Variants in APOB observed in about 807,000 individuals in gnomAD.
APOB encodes the protein apolipoprotein B-100.
A neutral mutation model predicts 314.1 loss-of-function variants in APOB; 153 were observed. That is an observed-to-expected ratio of 0.49 (90% CI 0.43 to 0.56). The LOEUF is 0.56. Among genes scored for constraint, APOB ranks in the 20% least tolerant of loss-of-function variants. The pLI, the probability that APOB is intolerant of heterozygous loss-of-function variation, is 0.00. For synonymous variants in APOB, 2,087 were observed against 2,036.4 expected (o/e 1.02, Z -0.67); for missense variants, 5,430 against 5,350.7 (o/e 1.01, Z -0.46).
intron 25 of APOB, among the ~76,000 whole-genome samples, 161 bp from the exon 26 acceptor site, chr2:21,012,812 C>T (rs1663363306): frequency 6.6e-6 from 1 of 152,198 alleles, no homozygotes; most frequent in Admixed American, 6.5e-5. Flanking sequence ...TAGCAAAAGG[C>T]ATTCCTCCAG....
chr2:21,006,802 G>A lies in APOB; in HGVS notation c.10066C>T (p.Leu3356Phe). Residue 3356 changes from leucine to phenylalanine, a missense_variant, in exon 26 of 29, where the codon CTT (leucine) becomes TTT (phenylalanine). Around this residue, in one of 3 missense-constraint regions of APOB, gnomAD observed 3,281 missense variants for 3,171.0 expected, o/e 1.03. Coordinates refer to ENST00000233242, the MANE Select transcript of APOB (RefSeq NM_000384.3). ...GCAACAATATCTGACTGGTTAAAAA[G>A]TTCAGCATTGGTATTCAGTGTGATG... ...SVITLNTNAE[L>F]FNQSDIVAHL... 6.2e-7 allele frequency: 1 copy of A among 1,614,066 alleles called. No individual in the cohort carries two copies. Among genetic ancestry groups the A allele is most frequent in the Non-Finnish European group, 8.5e-7 (1 of 1,179,956 alleles).
intron 21 of APOB, among the ~76,000 whole-genome samples, chr2:21,016,213 G>A (rs1446244590): frequency 1.3e-5 from 2 of 152,054 alleles, no homozygotes; most frequent in Non-Finnish European, 1.5e-5. Context: ...ACTTGAACTC[G>A]GGAGGCGGAG....
Position 21,012,182 on chromosome 2 carries a change from C to CT in APOB, c.4685dup (p.Tyr1563ValfsTer2), listed in dbSNP as rs868636396. The stretch of plus-strand genomic sequence containing the variant: ...TTAAAGTCAGCTCGTAGTTCTCATA[C>CT]TTTAGGGAAGCAGTATTTTTAATGA... On this transcript the variant is annotated frameshift_variant, in exon 26 of 29. Transcript: ENST00000233242. LOFTEE classifies it high-confidence loss of function. 1 of 1,601,896 alleles carries CT rather than the reference C, an allele frequency of 6.2e-7. No homozygotes were observed. The highest frequency in any genetic ancestry group is 1.3e-5 in the African/African-American group (1 of 74,630).
chr2:21,022,921 G>T lies in APOB; in HGVS notation c.2726C>A (p.Ser909Ter), dbSNP rs776209966. Residue 909 changes from serine (S) to a stop codon, truncating the protein, a stop_gained, in exon 18 of 29, where the codon TCG (serine) becomes TAG (stop). Transcript: ENST00000233242. LOFTEE classifies it high-confidence loss of function. ...TAGGGCAACATGAGCCTCCAGACCC[G>T]ACTCGTGGAAGAAGTTGGTGTTCAT... ...VQMNTNFFHESGLEAHVALKA... is the reference protein window; with the variant it reads ...VQMNTNFFHE The T allele has an allele frequency of 1.2e-6, 2 of 1,614,120 alleles. No individual in the cohort carries two copies. The highest frequency in any genetic ancestry group is 1.3e-5 in the African/African-American group (1 of 75,002).
At position 21,005,772 on chromosome 2, in the gene APOB, C is replaced by G; in HGVS notation, c.11096G>C (p.Arg3699Thr). 6.2e-7 allele frequency: 1 copy of G among 1,613,986 alleles called. No homozygotes were observed. The change falls in exon 26 of 29, where the codon AGA becomes ACA. Residue 3699 changes from arginine (R) to threonine (T), a missense_variant. Transcript: ENST00000233242. Reference sequence around the variant, plus strand: ...GGCAGTTGAAACACGAAGATGCTGTCTCCTACCAATGCTGGTGGTTACATC... The same window carrying G: ...GGCAGTTGAAACACGAAGATGCTGTGTCCTACCAATGCTGGTGGTTACATC... ...KLDVTTSIGR[R>T]QHLRVSTAFV... is the part of the protein sequence containing the mutation.
chr2:21,019,909 G>C lies in APOB; in HGVS notation c.2817-4C>G. On this transcript the variant is annotated splice_polypyrimidine_tract_variant and splice_region_variant and intron_variant, in intron 18 of 28. Coordinates refer to ENST00000233242, the MANE Select transcript of APOB (RefSeq NM_000384.3). ...AGAGACCAAATGTAATGTGTTGCTGGTGAAGAACAAAAATACCTGAGTTAT... is the reference window on the plus strand; with the variant it reads ...AGAGACCAAATGTAATGTGTTGCTGCTGAAGAACAAAAATACCTGAGTTAT... 6.2e-7 allele frequency: 1 copy of C among 1,614,066 alleles called. No individual in the cohort carries two copies. Among genetic ancestry groups the C allele is most frequent in the Non-Finnish European group, 8.5e-7 (1 of 1,179,944 alleles).
At position 21,005,792 on chromosome 2, in the gene APOB, T is replaced by C. The variant is rs1663117203; in HGVS notation, c.11076A>G (p.Val3692=). Residue 3692 remains valine (V), a synonymous_variant, in exon 26 of 29, where the codon GTA becomes GTG. Coordinates refer to ENST00000233242, the MANE Select transcript of APOB (RefSeq NM_000384.3). ...GCTGTCTCCTACCAATGCTGGTGGT[T>C]ACATCCAGCTTTAGGAAATCCCATA... ...KSLWDFLKLD[V]TTSIGRRQHL... is the part of the protein sequence containing the mutation. 1 of 1,613,910 alleles carries C rather than the reference T, an allele frequency of 6.2e-7. No individual in the cohort carries two copies. The highest frequency in any genetic ancestry group is 1.1e-5 in the South Asian group (1 of 91,080).
At chr2:21,035,484 C>T (rs958176789) in intron 7 of APOB, 100 bp downstream of exon 7, 2 of 1,499,656 alleles carry the variant, frequency 1.3e-6, no homozygotes, top group African/African-American at 2.8e-5. Context: ...CTCCATTCCT[C>T]CCTCCCAGGC....
In APOB at chr2:21,013,241, T is replaced by C; in HGVS notation, c.4135A>G (p.Ser1379Gly). 1 of 1,614,206 alleles carries C rather than the reference T, an allele frequency of 6.2e-7. No homozygotes were observed. Among genetic ancestry groups the C allele is most frequent in the Non-Finnish European group, 8.5e-7 (1 of 1,180,036 alleles). ...GCCCGAAGGCTGAAATGGTCTGTGC[T>C]GGTGTTGCCACCACTGTAGGAGGCG... Reference protein sequence around the residue: ...WSASYSGGNTSTDHFSLRARY... With the variant: ...WSASYSGGNTGTDHFSLRARY... The change falls in exon 25 of 29, where the codon AGC becomes GGC. Residue 1379 changes from serine (S) to glycine (G), a missense_variant. Physicochemically the swap from Ser to Gly is moderately conservative, Grantham distance 56. Coordinates refer to ENST00000233242, the MANE Select transcript of APOB (RefSeq NM_000384.3).
chr2:21,027,015 G>A (rs1443484027), intron 14 of APOB, 51 bp from the exon 15 acceptor site: 1 of 1,562,700 alleles, frequency 6.4e-7, no homozygotes, highest in Non-Finnish European at 8.8e-7. Context: ...TTTGTTGTAT[G>A]CCAGCCTAGT....
At chr2:21,036,971 T>C (rs1003872407) in intron 6 of APOB, 129 bp downstream of exon 6, 2 of 1,189,870 alleles carry the variant, frequency 1.7e-6, no homozygotes, top group East Asian at 2.5e-5. Flanking sequence ...CAGGGTCCTA[T>C]CTCTAGTCTG....
In APOB at chr2:21,032,649, G is replaced by T; in HGVS notation, c.1125-68C>A. On this transcript the variant is annotated intron_variant, in intron 9 of 28. Transcript: ENST00000233242. ...GGGCACATAAAATATTGCTCATGGT[G>T]TGTCCTCTGCCAGGAGAGCCCTTAA... 9 of 1,269,158 alleles carry T rather than the reference G, an allele frequency of 7.1e-6. No homozygotes were observed. In the South Asian group the frequency reaches 1.1e-4, roughly 16 times the overall value. The allele number at this position is 1,269,158 out of a possible 1,614,324, so 78.6% of individuals were successfully genotyped here.
rs562234661 is a variant in APOB at position 21,022,140 on chromosome 2, T to A, written c.2816+691A>T. On this transcript the variant is annotated intron_variant, in intron 18 of 28. Transcript: ENST00000233242. ...CTGGCTAATTTTGTTATTTATTTAA[T>A]TTTTTTTGTAGAGATGGGGTTTTGC... 2.0e-5 allele frequency among the ~76,000 whole-genome samples: 3 copies of A among 152,126 alleles called. No individual in the cohort carries two copies. The South Asian group carries it at 6.2e-4, about 32-fold the overall frequency.
chr2:21,042,283 C>G, intron 3 of APOB, 78 bp downstream of exon 3: 1 of 1,057,720 alleles, frequency 9.5e-7, no homozygotes. Context: ...CCGGGAAGGT[C>G]GCGTGTTGGG....
intron 17 of APOB, 21 bp downstream of exon 17, chr2:21,023,504 A>C (rs1663663652): frequency 1.2e-6 from 2 of 1,614,006 alleles, no homozygotes; most frequent in Non-Finnish European, 1.7e-6. Flanking sequence ...CTAAGAAATC[A>C]AAAGGCAAAC....
In APOB at chr2:21,006,363, C is replaced by T. The variant is rs1302362259; in HGVS notation, c.10505G>A (p.Gly3502Asp). The T allele has an allele frequency of 1.2e-6, 2 of 1,613,870 alleles. No individual in the cohort carries two copies. Among genetic ancestry groups the T allele is most frequent in the African/African-American group, 2.7e-5 (2 of 74,888 alleles). The part of the protein sequence containing the change: ...IESSTKGDVK[G>D]SVLSREYSGT... ...TGAATATTCCCGAGAAAGAACCGAA[C>T]CCTTGACATCTCCTTTGGTAGATGA... The change falls in exon 26 of 29, where the codon GGT (glycine) becomes GAT (aspartate). Residue 3502 changes from glycine (G) to aspartate (D), a missense_variant. Physicochemically the swap from Gly to Asp is moderately conservative, Grantham distance 94 (BLOSUM62 -1). This residue lies in a region of APOB where 3,281 missense variants were observed against 3,171.0 expected (regional missense o/e 1.03). Coordinates refer to ENST00000233242, the MANE Select transcript of APOB (RefSeq NM_000384.3).
chr2:21,023,472 C>A (rs968594955), intron 17 of APOB, 53 bp downstream of exon 17: 1 of 1,591,206 alleles, frequency 6.3e-7, no homozygotes, highest in African/African-American at 1.3e-5. Context: ...ACAAGAAATG[C>A]ACCCTGGAAG....
intron 8 of APOB, 149 bp from the exon 9 acceptor site, chr2:21,033,667 C>T: frequency 1.4e-6 from 1 of 729,288 alleles, no homozygotes; most frequent in Non-Finnish European, 2.4e-6. Flanking sequence ...TCTGGCTCTG[C>T]CATAGGTGAT....
intron 14 of APOB, among the ~76,000 whole-genome samples, chr2:21,027,602 C>T (rs1183383303): frequency 1.3e-5 from 2 of 152,252 alleles, no homozygotes; most frequent in East Asian, 3.9e-4. Flanking sequence ...AGTGAGCCAC[C>T]TCGCCAGGCC....
Sources: gnomAD v4.1 joint callset for allele counts (sites outside exome capture counted in the v4.1 genomes callset) on GRCh38, gnomAD v4.1.1 for gene constraint, gnomAD v4.1.1 regional missense constraint, MANE v1.5 for transcripts, NCBI Gene and HGNC (gene_info 2026-07-23, HGNC 2026-07-21) for gene names.